The following PCBP3 variants were observed in gnomAD, a reference collection of about 807,000 sequenced individuals.
PCBP3 encodes the protein poly(rC) binding protein 3, also known as poly(rC)-binding protein 3.
A neutral mutation model predicts 52.7 loss-of-function variants in PCBP3; 25 were observed. The ratio of observed to expected loss-of-function variants is 0.47; its 90% CI spans 0.35 to 0.66. PCBP3 has a LOEUF of 0.66. Ranked by LOEUF, PCBP3 falls within the 30% of genes least tolerant of loss-of-function variation. The pLI is 0.01. For missense variants in PCBP3, 391 were observed against 490.3 expected, an observed-to-expected ratio of 0.80 and a Z score of 1.91; for synonymous variants, 162 against 183.0, an observed-to-expected ratio of 0.89 and a Z score of 0.93.
chr21:45,687,304 C>T (rs1025208234), intron 2 of PCBP3, among the ~76,000 whole-genome samples: 12 of 151,844 alleles, frequency 7.9e-5, no homozygotes, highest in African/African-American at 2.9e-4. Flanking sequence ...AATTTGTCAC[C>T]AGCAAATTTA....
intron 4 of PCBP3, among the ~76,000 whole-genome samples, chr21:45,814,692 GTGAGTGA>G (rs2092800894): frequency 4.4e-5 from 6 of 136,798 alleles, no homozygotes; most frequent in South Asian, 2.6e-4. Flanking sequence ...TGAGTGAGTG[GTGAGTGA>G]TGAGTGGTGA....
chr21:45,781,871 C>T (rs940164309), intron 4 of PCBP3, among the ~76,000 whole-genome samples: 24 of 152,328 alleles, frequency 1.6e-4, no homozygotes, highest in Admixed American at 9.1e-4. Flanking sequence ...CAACCACTCA[C>T]TTGCCTTCTG....
intron 5 of PCBP3, chr21:45,859,593 C>T (rs910215080): frequency 6.6e-6 from 1 of 152,276 alleles, no homozygotes; most frequent in Non-Finnish European, 1.5e-5. Context: ...AGTCCTAACA[C>T]GCGACATCTC....
intron 1 of PCBP3, among the ~76,000 whole-genome samples, chr21:45,647,880 A>G (rs1452445302): frequency 6.6e-6 from 1 of 152,146 alleles, no homozygotes; most frequent in Non-Finnish European, 1.5e-5. Flanking sequence ...TAATCAGCTG[A>G]TTTTAAAATA....
rs147217507 is a variant in PCBP3, at chr21:45,908,466, C to T, written c.340-889C>T. On this transcript the variant is annotated intron_variant, in intron 9 of 17. Transcript: ENST00000681687. ...CTATAGCAGTTTGTCCAGGCACACA[C>T]TGGCCAAGCCTTGTTTCTAAGAAGA... Among the ~76,000 whole-genome samples the T allele has an allele frequency of 4.1e-3, 624 of 152,364 alleles. 4 individuals carry two copies. Among genetic ancestry groups the T allele is most frequent in the African/African-American group, 0.014 (603 of 41,594 alleles).
intron 2 of PCBP3, among the ~76,000 whole-genome samples, chr21:45,670,178 A>G (rs1167293610): frequency 2.0e-5 from 3 of 151,958 alleles, no homozygotes; most frequent in Non-Finnish European, 4.4e-5. Flanking sequence ...ATCTCTTTGT[A>G]GTTTTGATTT....
chr21:45,868,763 C>T (rs992527781), intron 5 of PCBP3, among the ~76,000 whole-genome samples: 5 of 152,192 alleles, frequency 3.3e-5, no homozygotes, highest in Admixed American at 2.0e-4. Context: ...GGGAGGCAGG[C>T]GTTAGGACGG....
chr21:45,868,713 C>T (rs1364930828), intron 5 of PCBP3, among the ~76,000 whole-genome samples: 1 of 152,226 alleles, frequency 6.6e-6, no homozygotes, highest in African/African-American at 2.4e-5. Flanking sequence ...CACGTCCCCC[C>T]GTCACCGGAA....
At chr21:45,729,111 C>T (rs1366872107) in intron 2 of PCBP3, among the ~76,000 whole-genome samples, 1 of 152,162 alleles carries the variant, frequency 6.6e-6, no homozygotes, top group Non-Finnish European at 1.5e-5. Flanking sequence ...CACTAACCTG[C>T]TTTTTGTCTC....
chr21:45,681,910 A>T (rs1257454616), intron 2 of PCBP3, among the ~76,000 whole-genome samples: 1 of 152,172 alleles, frequency 6.6e-6, no homozygotes, highest in Admixed American at 6.5e-5. Context: ...CAATTTTTAT[A>T]TCCAATTATT....
rs985286307 is a variant in PCBP3, at chr21:45,735,627, G to A, written c.-162+198G>A. On this transcript the variant is annotated intron_variant, in intron 3 of 17. Coordinates refer to ENST00000681687, the MANE Select transcript of PCBP3 (RefSeq NM_001384156.1). The surrounding 1 kb of genome is among the most constrained non-coding windows in gnomAD (Gnocchi z 4.0). ...CAAGAGCATGTAGTGTGAGTGACAC[G>A]CGTTTTCCCTTCTTGCTTCTGTGGA... 1.3e-5 allele frequency among the ~76,000 whole-genome samples: 2 copies of A among 152,134 alleles called. No homozygotes were observed. Among genetic ancestry groups the A allele is most frequent in the African/African-American group, 2.4e-5 (1 of 41,412 alleles).
rs16978632 is a variant in PCBP3 at position 45,863,704 on chromosome 21, C to T, written c.10+13609C>T. On this transcript the variant is annotated intron_variant, in intron 5 of 17. Transcript: ENST00000681687. The stretch of plus-strand genomic sequence containing the variant: ...TAAACGGGGAGAGTGGCCATCTGTC[C>T]GATACCCACATCAAACCTGATCGTT... Among the ~76,000 whole-genome samples, 378 of 152,288 alleles carry T rather than the reference C, an allele frequency of 2.5e-3. 2 individuals are homozygous for T. The highest frequency in any genetic ancestry group is 8.4e-3 in the African/African-American group (349 of 41,568).
chr21:45,926,994 A>G lies in PCBP3; in HGVS notation c.718-2923A>G, dbSNP rs139290258. 4.8e-3 allele frequency among the ~76,000 whole-genome samples: 735 copies of G among 152,224 alleles called. 7 individuals carry two copies. Among genetic ancestry groups the G allele is most frequent in the African/African-American group, 0.017 (694 of 41,532 alleles). ...GGGTGCTCTTGAGAAGTCAGCAAAAATCAAGCAATAAGAAACATGGGCGAA... is the reference window on the plus strand; with the variant it reads ...GGGTGCTCTTGAGAAGTCAGCAAAAGTCAAGCAATAAGAAACATGGGCGAA... On this transcript the variant is annotated intron_variant, in intron 13 of 17. Transcript: ENST00000681687.
In PCBP3 at chr21:45,704,441, G is replaced by T. The variant is rs2083317905; in HGVS notation, c.-199-30951G>T. Among the ~76,000 whole-genome samples, 1 of 152,170 alleles carries T rather than the reference G, an allele frequency of 6.6e-6. No homozygotes were observed. The highest frequency in any genetic ancestry group is 2.4e-5 in the African/African-American group (1 of 41,432). On this transcript the variant is annotated intron_variant, in intron 2 of 17. Coordinates refer to ENST00000681687, the MANE Select transcript of PCBP3 (RefSeq NM_001384156.1). This position sits in a 1 kb window ranked among gnomAD's most constrained non-coding sequence, Gnocchi z 4.1. ...CTATCCTCTGTTGCTGTGGTCTGCG[G>T]GCCAGCTGCAGACTGGGAGGCCGCA...
chr21:45,866,705 C>G (rs1248767576), intron 5 of PCBP3, among the ~76,000 whole-genome samples: 2 of 152,136 alleles, frequency 1.3e-5, no homozygotes, highest in Admixed American at 1.3e-4. Flanking sequence ...GCCCCAGATG[C>G]ACACGAGCGT....
intron 5 of PCBP3, among the ~76,000 whole-genome samples, chr21:45,859,530 T>G (rs1019543038): frequency 1.3e-5 from 2 of 152,226 alleles, no homozygotes; most frequent in Admixed American, 6.5e-5. Flanking sequence ...ACAGCTGGCC[T>G]TCCACTGGCT....
chr21:45,729,678 T>C (rs1054715631), intron 2 of PCBP3, among the ~76,000 whole-genome samples: 1 of 152,198 alleles, frequency 6.6e-6, no homozygotes, highest in African/African-American at 2.4e-5. Flanking sequence ...ATTCTTGATA[T>C]TGGTAATTTG....
chr21:45,811,531 A>G (rs1435926313), intron 4 of PCBP3, among the ~76,000 whole-genome samples: 3 of 152,272 alleles, frequency 2.0e-5, no homozygotes, highest in Non-Finnish European at 4.4e-5. Context: ...ACATCTGCAC[A>G]GTCCCTTTGC....
rs1334753536 is a variant in PCBP3, at chr21:45,656,714, T to C, written c.-278-12160T>C. On this transcript the variant is annotated intron_variant, in intron 1 of 17. Coordinates refer to ENST00000681687, the MANE Select transcript of PCBP3 (RefSeq NM_001384156.1). The surrounding 1 kb of genome is among the most constrained non-coding windows in gnomAD (Gnocchi z 4.3). ...TTGCCCATTTAAAAACTGGATTGTC[T>C]TTTTATCGCTGAGTTGTAAGTGTTC... is the stretch of plus-strand genomic sequence containing the variant. 6.6e-6 allele frequency among the ~76,000 whole-genome samples: 1 copy of C among 152,198 alleles called. No homozygotes were observed. Among genetic ancestry groups the C allele is most frequent in the Non-Finnish European group, 1.5e-5 (1 of 68,040 alleles).
Sources: allele counts gnomAD v4.1 joint callset (sites outside exome capture counted in the v4.1 genomes callset), GRCh38; gene constraint gnomAD v4.1.1; non-coding constraint Gnocchi (gnomAD v3.1); transcripts MANE v1.5; gene names NCBI Gene and HGNC (gene_info 2026-07-23, HGNC 2026-07-21).